The following CA8 variants were observed in gnomAD, a reference collection of about 807,000 sequenced individuals.
The protein encoded by CA8 is carbonic anhydrase 8 (inactive).
CA8 carries 22 observed loss-of-function variants against 41.4 expected under a neutral mutation model. That is an observed-to-expected ratio of 0.53 (90% CI 0.38 to 0.76). The LOEUF (loss-of-function observed/expected upper bound fraction) is 0.76. CA8 is among the 30% of genes least tolerant of loss of function. The probability of loss-of-function intolerance (pLI) is 0.00; values close to 1 mark genes in which losing one functional copy is unlikely to be tolerated. For missense variants in CA8, 270 were observed against 352.8 expected (o/e 0.77, Z 1.88); for synonymous variants, 121 against 130.6 (o/e 0.93, Z 0.50).
chr8:60,197,737 C>T (rs1806321319), intron 8 of CA8, among the ~76,000 whole-genome samples: 1 of 131,522 alleles, frequency 7.6e-6, no homozygotes, highest in South Asian at 2.5e-4. Flanking sequence ...GAATATTCTA[C>T]CATGAACATG....
In CA8 at chr8:60,276,866, C is replaced by T. The variant is rs377086411; in HGVS notation, c.292+2823G>A. On this transcript the variant is annotated intron_variant, in intron 2 of 8. Transcript: ENST00000317995. ...AGGTGCTGTGGCTCATACCTGTAATCCCAGCACTTTGGGAGGCCGAGGTGG... is the reference window on the plus strand; with the variant it reads ...AGGTGCTGTGGCTCATACCTGTAATTCCAGCACTTTGGGAGGCCGAGGTGG... 4.6e-5 allele frequency among the ~76,000 whole-genome samples: 7 copies of T among 152,286 alleles called. No individual in the cohort carries two copies. In the East Asian group the frequency reaches 5.8e-4, roughly 13 times the overall value.
intron 3 of CA8, among the ~76,000 whole-genome samples, chr8:60,245,201 A>G (rs188252294): frequency 5.9e-5 from 9 of 152,282 alleles, no homozygotes; most frequent in African/African-American, 2.2e-4. Context: ...TCTTCAAAAT[A>G]TTGTGAGAAA....
At chr8:60,250,636 G>T (rs1318557612) in intron 3 of CA8, among the ~76,000 whole-genome samples, 2 of 152,106 alleles carry the variant, frequency 1.3e-5, no homozygotes, top group Non-Finnish European at 2.9e-5. Flanking sequence ...AAAGTAATTG[G>T]TTACATTTCA....
At chr8:60,220,829 A>T (rs1807219180) in intron 7 of CA8, among the ~76,000 whole-genome samples, 1 of 152,166 alleles carries the variant, frequency 6.6e-6, no homozygotes, top group Non-Finnish European at 1.5e-5. Context: ...GAAAGCAAGC[A>T]CAAGTGGAGC....
chr8:60,236,473 A>G (rs952296891), intron 3 of CA8, among the ~76,000 whole-genome samples: 8 of 152,172 alleles, frequency 5.3e-5, no homozygotes, highest in Admixed American at 2.6e-4. Context: ...TGACTAATAC[A>G]GATCATGCAA....
At chr8:60,202,168 T>C (rs1369199711) in intron 8 of CA8, among the ~76,000 whole-genome samples, 1 of 151,874 alleles carries the variant, frequency 6.6e-6, no homozygotes, top group Non-Finnish European at 1.5e-5. Context: ...CTCAGCCTCC[T>C]GAGTAGCTGG....
At chr8:60,230,349 T>C (rs1807600026) in intron 4 of CA8, among the ~76,000 whole-genome samples, 1 of 152,226 alleles carries the variant, frequency 6.6e-6, no homozygotes, top group South Asian at 2.1e-4. Flanking sequence ...TTTTAATCTC[T>C]ATGTCTGCAA....
At position 60,271,746 on chromosome 8, in the gene CA8, C is replaced by T. The variant is rs190045525; in HGVS notation, c.293-5697G>A. ...CTTGTAGTCAGCTGGAGTGACACTA[C>T]TGCACAAGTGTGGGCAGTCTCACAC... On this transcript the variant is annotated intron_variant, in intron 2 of 8. Transcript: ENST00000317995. Among the ~76,000 whole-genome samples, 208 of 152,326 alleles carry T rather than the reference C, an allele frequency of 1.4e-3. No individual in the cohort carries two copies. In the Middle Eastern group the frequency reaches 0.031, roughly 22 times the overall value.
chr8:60,213,406 C>T lies in CA8; in HGVS notation c.739-4487G>A, dbSNP rs184417370. On this transcript the variant is annotated intron_variant, in intron 7 of 8. Coordinates refer to ENST00000317995, the MANE Select transcript of CA8 (RefSeq NM_004056.6). ...CTCACAACCACAGGGAAAGTGCTGC[C>T]TATCACTTAAGACACTGAGAAAATA... 1.1e-4 allele frequency among the ~76,000 whole-genome samples: 17 copies of T among 152,326 alleles called. No individual in the cohort carries two copies. In the East Asian group the frequency reaches 3.1e-3, roughly 28 times the overall value.
intron 3 of CA8, among the ~76,000 whole-genome samples, chr8:60,242,868 G>GA (rs1232027732): frequency 6.6e-6 from 1 of 152,212 alleles, no homozygotes; most frequent in East Asian, 1.9e-4. Context: ...CCCCACTTTA[G>GA]AAAACACAGT....
intron 3 of CA8, among the ~76,000 whole-genome samples, chr8:60,246,183 T>A (rs1164913404): frequency 2.0e-5 from 3 of 152,156 alleles, no homozygotes; most frequent in African/African-American, 7.2e-5. Context: ...GCCTTTATCA[T>A]CCCAGCCATC....
chr8:60,193,484 T>C (rs1176413957), intron 8 of CA8, among the ~76,000 whole-genome samples: 2 of 152,172 alleles, frequency 1.3e-5, no homozygotes, highest in African/African-American at 2.4e-5. Context: ...CAATATCAAG[T>C]AGCTTCTGGG....
intron 8 of CA8, chr8:60,208,109 ATATTT>A (rs1316434256): frequency 1.3e-5 from 2 of 152,412 alleles, no homozygotes; most frequent in South Asian, 2.1e-4. Context: ...CGTGTTTGTG[ATATTT>A]TATTTTGTTA....
chr8:60,249,298 G>C (rs535709893), intron 3 of CA8, among the ~76,000 whole-genome samples: 1 of 152,320 alleles, frequency 6.6e-6, no homozygotes, highest in Non-Finnish European at 1.5e-5. Context: ...ATATGGCTGA[G>C]TGGCCACATA....
chr8:60,277,067 T>A (rs1248890585), intron 2 of CA8, among the ~76,000 whole-genome samples: 3 of 146,526 alleles, frequency 2.0e-5, no homozygotes, highest in African/African-American at 2.5e-5. Context: ...TTGCAGTGAG[T>A]CAAGACGCAC....
intron 3 of CA8, among the ~76,000 whole-genome samples, chr8:60,239,210 C>T (rs892122657): frequency 6.6e-6 from 1 of 152,124 alleles, no homozygotes; most frequent in African/African-American, 2.4e-5. Flanking sequence ...CTCAGGTGAT[C>T]CTCTCACCTC....
chr8:60,238,967 G>C (rs1807926979), intron 3 of CA8, among the ~76,000 whole-genome samples: 1 of 152,122 alleles, frequency 6.6e-6, no homozygotes, highest in South Asian at 2.1e-4. Context: ...CAGGGAGGAG[G>C]GGAGACAGTG....
At chr8:60,234,970 C>T (rs1585885662) in intron 3 of CA8, among the ~76,000 whole-genome samples, 1 of 152,154 alleles carries the variant, frequency 6.6e-6, no homozygotes, top group South Asian at 2.1e-4. Context: ...TGGAACTTGG[C>T]CAACCTTCAG....
intron 7 of CA8, among the ~76,000 whole-genome samples, chr8:60,213,141 C>T (rs1298846574): frequency 6.6e-6 from 1 of 152,194 alleles, no homozygotes. Flanking sequence ...CTCTTCCTTA[C>T]CAACCTCTCA....
Sources: allele counts gnomAD v4.1 joint callset (sites outside exome capture counted in the v4.1 genomes callset), GRCh38; gene constraint gnomAD v4.1.1; transcripts MANE v1.5; gene names NCBI Gene and HGNC (gene_info 2026-07-23, HGNC 2026-07-21).